The following FNDC3B variants were observed in gnomAD, a reference collection of about 807,000 sequenced individuals.
FNDC3B encodes fibronectin type III domain-containing protein 3B.
A neutral mutation model predicts 151.5 loss-of-function variants in FNDC3B; 12 were observed. The ratio of observed to expected loss-of-function variants is 0.08; its 90% CI spans 0.05 to 0.13. The LOEUF is 0.13. Ranked by LOEUF, FNDC3B falls within the 10% of genes least tolerant of loss-of-function variation. FNDC3B has a pLI of 1.00. For synonymous variants in FNDC3B, 528 were observed against 549.0 expected (o/e 0.96, Z 0.54); for missense variants, 1,214 against 1,505.3 (o/e 0.81, Z 3.20).
rs143384109 is a variant in FNDC3B at position 172,390,592 on chromosome 3, A to G, written c.3304-6572A>G. Among the ~76,000 whole-genome samples, 259 of 151,840 alleles carry G rather than the reference A, an allele frequency of 1.7e-3. 1 individual carries two copies. Among genetic ancestry groups the G allele is most frequent in the African/African-American group, 6.1e-3 (251 of 41,424 alleles). On this transcript the variant is annotated intron_variant, in intron 25 of 25. Coordinates refer to ENST00000415807, the MANE Select transcript of FNDC3B (RefSeq NM_022763.4). ...GGTTTGTCTTGAACTCCTAACCTCA[A>G]GTGATCCTCCCGCTGAGCCCACTTT...
chr3:172,199,468 C>A (rs535737443), intron 3 of FNDC3B, among the ~76,000 whole-genome samples: 1 of 152,104 alleles, frequency 6.6e-6, no homozygotes, highest in African/African-American at 2.4e-5. Flanking sequence ...TGTGAGCCAC[C>A]GCGCCCGGCT....
At chr3:172,221,846 T>C (rs1328760306) in intron 3 of FNDC3B, among the ~76,000 whole-genome samples, 1 of 152,210 alleles carries the variant, frequency 6.6e-6, no homozygotes, top group Non-Finnish European at 1.5e-5. Context: ...TTAGACCCAT[T>C]GCAAACAGCT....
At chr3:172,220,006 G>A (rs1176879645) in intron 3 of FNDC3B, among the ~76,000 whole-genome samples, 1 of 152,126 alleles carries the variant, frequency 6.6e-6, no homozygotes, top group African/African-American at 2.4e-5. Flanking sequence ...AGTTACTTTT[G>A]CACCAACCTA....
At position 172,127,377 on chromosome 3, in the gene FNDC3B, A is replaced by T. The variant is rs1720853967; in HGVS notation, c.112-6094A>T. Among the ~76,000 whole-genome samples the T allele has an allele frequency of 3.3e-5, 5 of 152,202 alleles. 1 individual carries two copies. The South Asian group carries it at 1.0e-3, about 32-fold the overall frequency. On this transcript the variant is annotated intron_variant, in intron 2 of 25. Coordinates refer to ENST00000415807, the MANE Select transcript of FNDC3B (RefSeq NM_022763.4). ...GTAGAGGGGAGAAGTGGTGGTGTGG[A>T]CTAGACGAGTATACATTTTGGTCAG...
intron 23 of FNDC3B, among the ~76,000 whole-genome samples, chr3:172,367,874 A>G (rs1734707072): frequency 6.6e-6 from 1 of 152,192 alleles, no homozygotes; most frequent in Non-Finnish European, 1.5e-5. Context: ...GAGGGATCTA[A>G]TAGAGCAGAT....
At chr3:172,311,133 T>C (rs1731456518) in intron 11 of FNDC3B, among the ~76,000 whole-genome samples, 1 of 152,250 alleles carries the variant, frequency 6.6e-6, no homozygotes, top group Admixed American at 6.5e-5. Flanking sequence ...AAGTGGGGTC[T>C]TATCTATTTT....
rs1332532498 is a variant in FNDC3B at position 172,257,245 on chromosome 3, G to A, written c.790+5704G>A. On this transcript the variant is annotated intron_variant, in intron 6 of 25. Coordinates refer to ENST00000415807, the MANE Select transcript of FNDC3B (RefSeq NM_022763.4). ...TTTTTTATGTATAAAAATTTGCTGT[G>A]TGCAGTTGACATTGTTGACTTTCAC... Among the ~76,000 whole-genome samples the A allele has an allele frequency of 5.9e-5, 9 of 152,288 alleles. No homozygotes were observed. The South Asian group carries it at 1.9e-3, about 32-fold the overall frequency.
At chr3:172,347,038 A>C (rs502170) in intron 20 of FNDC3B, among the ~76,000 whole-genome samples, 174 bp from the exon 21 acceptor site, 85,989 of 152,032 alleles carry the variant, frequency 0.57, 25,314 homozygotes, top group Non-Finnish European at 0.66. Flanking sequence ...TCTCAAAAAA[A>C]ATTTTGTGGG....
chr3:172,354,223 T>G (rs558513801), intron 22 of FNDC3B, among the ~76,000 whole-genome samples: 1 of 152,164 alleles, frequency 6.6e-6, no homozygotes, highest in Admixed American at 6.5e-5. Flanking sequence ...CCATTTCTGT[T>G]TATATACAAA....
intron 2 of FNDC3B, among the ~76,000 whole-genome samples, chr3:172,125,509 T>G (rs1720770390): frequency 6.6e-6 from 1 of 152,186 alleles, no homozygotes; most frequent in African/African-American, 2.4e-5. Flanking sequence ...TCCTCCCCCG[T>G]GGGAGTCTCA....
chr3:172,223,814 A>G (rs1030001519), intron 3 of FNDC3B, among the ~76,000 whole-genome samples: 13 of 152,264 alleles, frequency 8.5e-5, no homozygotes, highest in African/African-American at 2.9e-4. Flanking sequence ...AACCAAAACT[A>G]TCTATAAAAT....
Position 172,378,322 on chromosome 3 carries a change from A to G in FNDC3B, c.3061A>G (p.Thr1021Ala). Residue 1021 changes from threonine to alanine, a missense_variant, in exon 24 of 26, where the codon ACG becomes GCG. Thr to Ala is a moderately conservative substitution (Grantham distance 58, BLOSUM62 0). Transcript: ENST00000415807. Reference sequence around the variant, plus strand: ...CCACACCTACAAGGTCCAGAGACTGACGGAATTCACATGCTACTCCTTCAG... The same window carrying G: ...CCACACCTACAAGGTCCAGAGACTGGCGGAATTCACATGCTACTCCTTCAG... Reference protein sequence around the residue: ...PSHTYKVQRLTEFTCYSFRIQ... With the variant: ...PSHTYKVQRLAEFTCYSFRIQ... 1.9e-6 allele frequency: 3 copies of G among 1,613,916 alleles called. No homozygotes were observed. The highest frequency in any genetic ancestry group is 2.5e-6 in the Non-Finnish European group (3 of 1,179,912).
chr3:172,099,003 C>T (rs2108520637), intron 1 of FNDC3B, among the ~76,000 whole-genome samples: 1 of 152,342 alleles, frequency 6.6e-6, no homozygotes, highest in South Asian at 2.1e-4. Flanking sequence ...ACATTCCACT[C>T]AGGGTCAGGC....
intron 3 of FNDC3B, among the ~76,000 whole-genome samples, chr3:172,138,144 C>T (rs975215539): frequency 1.3e-5 from 2 of 152,214 alleles, no homozygotes; most frequent in African/African-American, 4.8e-5. Flanking sequence ...CTCTTTCTTC[C>T]AAGAGCTCTC....
intron 3 of FNDC3B, among the ~76,000 whole-genome samples, chr3:172,140,364 T>TTTC (rs1456682131): frequency 6.6e-6 from 1 of 152,202 alleles, no homozygotes; most frequent in Non-Finnish European, 1.5e-5. Context: ...CATGATTGGA[T>TTTC]TTACATGAAA....
chr3:172,144,430 C>T (rs545219422), intron 3 of FNDC3B, among the ~76,000 whole-genome samples: 3 of 152,262 alleles, frequency 2.0e-5, no homozygotes, highest in African/African-American at 4.8e-5. Flanking sequence ...TCTCTACCAG[C>T]GGTGTGATTG....
chr3:172,334,879 G>A lies in FNDC3B; in HGVS notation c.1642-65G>A, dbSNP rs534332593. On this transcript the variant is annotated intron_variant, in intron 14 of 25. Transcript: ENST00000415807. ...TGCCTTAATCTCACCATGTTAAAAA[G>A]TGACCATTAATTTAATGATCCCTGA... 7.8e-5 allele frequency: 117 copies of A among 1,503,642 alleles called. No homozygotes were observed. The South Asian group carries it at 1.3e-3, about 16-fold the overall frequency. The allele number at this position is 1,503,642 out of a possible 1,614,324, so 93.1% of individuals were successfully genotyped here. A position where few individuals can be genotyped will look rare whatever the true frequency, so the allele number is the denominator to read the frequency against.
intron 25 of FNDC3B, among the ~76,000 whole-genome samples, chr3:172,389,461 A>T (rs1475864183): frequency 6.6e-6 from 1 of 152,232 alleles, no homozygotes; most frequent in Non-Finnish European, 1.5e-5. Context: ...ATATTTATAC[A>T]ACTAGAAGAG....
chr3:172,367,965 G>C (rs1253673913), intron 23 of FNDC3B, among the ~76,000 whole-genome samples: 1 of 152,168 alleles, frequency 6.6e-6, no homozygotes, highest in Non-Finnish European at 1.5e-5. Flanking sequence ...GAGTGGCTTT[G>C]TCATGTTTAC....
Sources: gnomAD v4.1 joint callset for allele counts (sites outside exome capture counted in the v4.1 genomes callset) on GRCh38, gnomAD v4.1.1 for gene constraint, MANE v1.5 for transcripts, NCBI Gene and HGNC (gene_info 2026-07-23, HGNC 2026-07-21) for gene names.